NANP: variants seen among roughly 807,000 people sequenced by gnomAD.
NANP encodes N-acylneuraminate-9-phosphatase.
NANP carries 15 observed loss-of-function variants against 16.9 expected under a neutral mutation model. The observed-to-expected ratio is 0.89, with a 90% CI of 0.59 to 1.37. NANP has a LOEUF of 1.37. Among genes scored for constraint, NANP ranks in the 40% most tolerant of loss-of-function variants. NANP has a pLI of 0.00. For missense variants in NANP, 290 were observed against 303.5 expected (o/e 0.96, Z 0.33); for synonymous variants, 135 against 112.6 (o/e 1.20, Z -1.26).
rs375557505 is a variant in NANP at position 25,615,938 on chromosome 20, C to A, written c.734G>T (p.Ser245Ile). 1.9e-6 allele frequency: 3 copies of A among 1,610,506 alleles called. No homozygotes were observed. In the African/African-American group the frequency reaches 4.0e-5, roughly 22 times the overall value. ...ALLQSIDCKV[S>I]MST ...CTTTTATGTGCTTTAAGTGGACATACTGACTTTGCAGTCTATACTTTGTAA... is the reference window on the plus strand; with the variant it reads ...CTTTTATGTGCTTTAAGTGGACATAATGACTTTGCAGTCTATACTTTGTAA... The change falls in exon 2 of 2, where the codon AGT becomes ATT. Residue 245 changes from serine (S) to isoleucine (I), a missense_variant. Coordinates refer to ENST00000304788, the MANE Select transcript of NANP (RefSeq NM_152667.3).
intron 1 of NANP, among the ~76,000 whole-genome samples, chr20:25,623,234 C>T (rs1461994542): frequency 1.3e-5 from 2 of 152,130 alleles, no homozygotes; most frequent in Non-Finnish European, 2.9e-5. Context: ...CGCGGAGGAG[C>T]GCCTCAGGAA....
chr20:25,623,849 G>A lies in NANP; in HGVS notation c.90+10C>T. 6.2e-7 allele frequency: 1 copy of A among 1,612,172 alleles called. No homozygotes were observed. Among genetic ancestry groups the A allele is most frequent in the South Asian group, 1.1e-5 (1 of 90,720 alleles). Reference sequence around the variant, plus strand: ...CCCGCCCAGAGGAGCGCCATGGGTGGGGACGTTACCTCCAACATGCCTCTC... The same window carrying A: ...CCCGCCCAGAGGAGCGCCATGGGTGAGGACGTTACCTCCAACATGCCTCTC... On this transcript the variant is annotated intron_variant, in intron 1 of 1. Coordinates refer to ENST00000304788, the MANE Select transcript of NANP (RefSeq NM_152667.3).
At chr20:25,623,647 T>C (rs527724914) in intron 1 of NANP, among the ~76,000 whole-genome samples, 3 of 152,188 alleles carry the variant, frequency 2.0e-5, no homozygotes, top group Non-Finnish European at 2.9e-5. Flanking sequence ...GGGCTCGAGA[T>C]TGGGTGACAA....
At chr20:25,620,046 G>A (rs2065358599) in intron 1 of NANP, among the ~76,000 whole-genome samples, 1 of 152,154 alleles carries the variant, frequency 6.6e-6, no homozygotes, top group African/African-American at 2.4e-5. Context: ...TTACAGGTTG[G>A]TATGCGACAA....
chr20:25,615,864 T>G lies in NANP; in HGVS notation c.*61A>C. The G allele has an allele frequency of 6.7e-7, 1 of 1,489,022 alleles. No individual in the cohort carries two copies. The highest frequency in any genetic ancestry group is 9.0e-7 in the Non-Finnish European group (1 of 1,107,016). 92.2% of individuals were successfully genotyped at this position (1,489,022 alleles called of 1,614,324 possible). On this transcript the variant is annotated 3_prime_UTR_variant, in exon 2 of 2. Coordinates refer to ENST00000304788, the MANE Select transcript of NANP (RefSeq NM_152667.3). ...TTATCATAAGTGGAGTGCCCTAACT[T>G]TTCTTATTTCATACTCAGCAAATTG... is the stretch of plus-strand genomic sequence containing the variant.
intron 1 of NANP, among the ~76,000 whole-genome samples, chr20:25,619,753 C>T (rs1235932898): frequency 6.6e-6 from 1 of 152,204 alleles, no homozygotes; most frequent in East Asian, 1.9e-4. Flanking sequence ...AGTGCAAGGA[C>T]ACATGCCTCT....
At chr20:25,616,959 G>T (rs1374885591) in intron 1 of NANP, among the ~76,000 whole-genome samples, 1 of 152,164 alleles carries the variant, frequency 6.6e-6, no homozygotes, top group African/African-American at 2.4e-5. Context: ...GGCCAAGGTG[G>T]CAGGATCACT....
chr20:25,622,506 G>A (rs1281206438), intron 1 of NANP, among the ~76,000 whole-genome samples: 6 of 152,126 alleles, frequency 3.9e-5, no homozygotes, highest in African/African-American at 9.7e-5. Flanking sequence ...CCAAACTCTG[G>A]GCCTACAGCA....
chr20:25,623,832 G>A (rs778227057), intron 1 of NANP, 27 bp downstream of exon 1: 57 of 1,604,054 alleles, frequency 3.6e-5, no homozygotes, highest in Non-Finnish European at 4.9e-5. Flanking sequence ...ACCCCGCCCA[G>A]AGGAGCGCCA....
intron 1 of NANP, among the ~76,000 whole-genome samples, chr20:25,620,874 G>A (rs2065362175): frequency 6.6e-6 from 1 of 151,954 alleles, no homozygotes. Context: ...TTGCTGCAGG[G>A]AGGGTGCTAA....
chr20:25,614,494 A>G lies in NANP; in HGVS notation c.*1431T>C, dbSNP rs1229969891. The G allele has an allele frequency of 1.3e-5, 2 of 152,198 alleles. No individual in the cohort carries two copies. Among genetic ancestry groups the G allele is most frequent in the Non-Finnish European group, 2.9e-5 (2 of 68,044 alleles). The allele number at this position is 152,198 out of a possible 1,614,324, so 9.4% of individuals were successfully genotyped here. A position where few individuals can be genotyped will look rare whatever the true frequency, so the allele number is the denominator to read the frequency against. ...GTCTAGAGAAAATTCTCCGGTTCCA[A>G]GACGATGCCTTGCTATGTAGCCATT... On this transcript the variant is annotated 3_prime_UTR_variant, in exon 2 of 2. Coordinates refer to ENST00000304788, the MANE Select transcript of NANP (RefSeq NM_152667.3).
chr20:25,620,629 G>A (rs1238075885), intron 1 of NANP, among the ~76,000 whole-genome samples: 1 of 152,172 alleles, frequency 6.6e-6, no homozygotes, highest in African/African-American at 2.4e-5. Context: ...CGTATAGCAG[G>A]TGCACCTGAC....
intron 1 of NANP, among the ~76,000 whole-genome samples, chr20:25,617,643 C>T (rs1457973700): frequency 2.6e-5 from 4 of 151,754 alleles, no homozygotes; most frequent in South Asian, 2.1e-4. Flanking sequence ...CAGCCTCCCG[C>T]GTAGGTGAGA....
rs1003863540 is a variant in NANP, at chr20:25,615,361, A to G, written c.*564T>C. On this transcript the variant is annotated 3_prime_UTR_variant, in exon 2 of 2. Transcript: ENST00000304788. ...CAGAAAAATCAGGTTCATAAAAGAA[A>G]GTATACATCCAAAGTAGGCAAAAAC... 1 of 152,316 alleles carries G rather than the reference A, an allele frequency of 6.6e-6. No homozygotes were observed. The highest frequency in any genetic ancestry group is 1.5e-5 in the Non-Finnish European group (1 of 68,038). The allele number at this position is 152,316 out of a possible 1,614,324, so 9.4% of individuals were successfully genotyped here.
At chr20:25,623,742 C>A in intron 1 of NANP, 117 bp downstream of exon 1, 1 of 1,034,414 alleles carries the variant, frequency 9.7e-7, no homozygotes, top group Non-Finnish European at 1.4e-6. Flanking sequence ...CAGGTTTCAA[C>A]CAGCAAGAGC....
chr20:25,617,394 C>T (rs534572598), intron 1 of NANP, among the ~76,000 whole-genome samples: 1 of 152,106 alleles, frequency 6.6e-6, no homozygotes, highest in South Asian at 2.1e-4. Context: ...GTATTTTTAG[C>T]AGAGACAGGG....
In NANP at chr20:25,613,733, TTTAA is replaced by T; in HGVS notation, c.*2188_*2191del. 1 of 398,312 alleles carries T rather than the reference TTTAA, an allele frequency of 2.5e-6. No homozygotes were observed. 24.7% of individuals were successfully genotyped at this position (398,312 alleles called of 1,614,324 possible). On this transcript the variant is annotated 3_prime_UTR_variant, in exon 2 of 2. Transcript: ENST00000304788. ...AATACAAACTGTGAAGACAAGGAAA[TTTAA>T]TTATTCAATTTTTTCCTTCTACATC...
chr20:25,622,646 G>A (rs2065369996), intron 1 of NANP, among the ~76,000 whole-genome samples: 1 of 152,356 alleles, frequency 6.6e-6, no homozygotes, highest in South Asian at 2.1e-4. Flanking sequence ...CACCCCTGAG[G>A]TGGAGGCCAA....
intron 1 of NANP, among the ~76,000 whole-genome samples, chr20:25,620,653 G>A (rs908333258): frequency 2.0e-5 from 3 of 152,140 alleles, no homozygotes; most frequent in Admixed American, 6.5e-5. Context: ...ACTAACTTAC[G>A]CACACCCTTA....
Sources: gnomAD v4.1 joint callset for allele counts (sites outside exome capture counted in the v4.1 genomes callset) on GRCh38, gnomAD v4.1.1 for gene constraint, MANE v1.5 for transcripts, NCBI Gene and HGNC (gene_info 2026-07-23, HGNC 2026-07-21) for gene names.